IQGAP1: variants seen among roughly 807,000 people sequenced by gnomAD.
IQGAP1 encodes the protein IQ motif containing GTPase activating protein 1.
IQGAP1 carries 66 observed loss-of-function variants against 215.6 expected under a neutral mutation model. That is an observed-to-expected ratio of 0.31 (90% CI 0.25 to 0.38). The LOEUF (loss-of-function observed/expected upper bound fraction) is 0.38. IQGAP1 is among the 10% of genes least tolerant of loss of function. The pLI is 1.00. For synonymous variants in IQGAP1, 772 were observed against 728.7 expected (o/e 1.06, Z -0.96); for missense variants, 1,712 against 1,997.1 (o/e 0.86, Z 2.72).
chr15:90,494,923 G>A, intron 36 of IQGAP1, 88 bp downstream of exon 36: 1 of 924,236 alleles, frequency 1.1e-6, no homozygotes, highest in Non-Finnish European at 1.7e-6. Flanking sequence ...CTCTTTTCTG[G>A]ATGGTTACTT....
At chr15:90,491,295 T>C (rs1202987221) in intron 33 of IQGAP1, 38 bp from the exon 34 acceptor site, 3 of 1,547,422 alleles carry the variant, frequency 1.9e-6, no homozygotes, top group Non-Finnish European at 2.7e-6. Flanking sequence ...AGGATTAGTG[T>C]GGTAAACTTG....
rs1044022566 is a variant in IQGAP1, at chr15:90,501,996, T to G, written c.*1888T>G. 1 of 152,652 alleles carries G rather than the reference T, an allele frequency of 6.6e-6. No individual in the cohort carries two copies. Among genetic ancestry groups the G allele is most frequent in the Non-Finnish European group, 1.5e-5 (1 of 68,060 alleles). The allele number at this position is 152,652 out of a possible 1,614,324, so 9.5% of individuals were successfully genotyped here. On this transcript the variant is annotated 3_prime_UTR_variant, in exon 38 of 38. Coordinates refer to ENST00000268182, the MANE Select transcript of IQGAP1 (RefSeq NM_003870.4). Reference sequence around the variant, plus strand: ...GATGATGATGATATAGAATTGTGGCTTTAGTAGCACAGAGGATGCCCCAAC... The same window carrying G: ...GATGATGATGATATAGAATTGTGGCGTTAGTAGCACAGAGGATGCCCCAAC...
chr15:90,451,419 C>G (rs777819891), intron 11 of IQGAP1, among the ~76,000 whole-genome samples: 1 of 152,128 alleles, frequency 6.6e-6, no homozygotes, highest in South Asian at 2.1e-4. Context: ...GACTGATCCC[C>G]GGGGTAGTGA....
chr15:90,494,450 G>T (rs1236580081), intron 35 of IQGAP1: 2 of 228,470 alleles, frequency 8.8e-6, no homozygotes, highest in East Asian at 2.1e-4. Flanking sequence ...AAGGACATGG[G>T]AGGATTAAGA....
At chr15:90,409,888 T>C (rs1273374394) in intron 2 of IQGAP1, among the ~76,000 whole-genome samples, 1 of 152,242 alleles carries the variant, frequency 6.6e-6, no homozygotes, top group Non-Finnish European at 1.5e-5. Context: ...TTTGCATTTC[T>C]CTGATGACCA....
intron 2 of IQGAP1, among the ~76,000 whole-genome samples, chr15:90,402,038 T>C (rs528189972): frequency 1.3e-5 from 2 of 152,348 alleles, no homozygotes; most frequent in South Asian, 4.1e-4. Flanking sequence ...AACATTTAAG[T>C]CTAACCTCTT....
At chr15:90,395,421 C>T (rs1015452982) in intron 2 of IQGAP1, among the ~76,000 whole-genome samples, 3 of 151,810 alleles carry the variant, frequency 2.0e-5, no homozygotes, top group South Asian at 2.1e-4. Flanking sequence ...CCCAGGTTAA[C>T]GCCATTCTCC....
In IQGAP1 at chr15:90,487,408, GTGCTGCTGC is replaced by G. The variant is rs3833031; in HGVS notation, c.4161-73_4161-65del. ...TTGGGACTTCTGTGAGGTACTGTTT[GTGCTGCTGC>G]TGCTGCTGCTGCTTCGGTCCACTTG... On this transcript the variant is annotated intron_variant, in intron 32 of 37. Transcript: ENST00000268182. 6.5e-5 allele frequency: 59 copies of G among 911,160 alleles called. 2 individuals are homozygous for G. The highest frequency in any genetic ancestry group is 5.8e-4 in the South Asian group (40 of 69,492). 56.4% of individuals were successfully genotyped at this position (911,160 alleles called of 1,614,324 possible).
chr15:90,497,073 G>T, intron 36 of IQGAP1, 159 bp from the exon 37 acceptor site: 1 of 555,616 alleles, frequency 1.8e-6, no homozygotes. Context: ...ACTTGGGCTT[G>T]GCAATCTGTG....
At chr15:90,431,131 G>T (rs1965297281) in intron 4 of IQGAP1, 1 of 150,650 alleles carries the variant, frequency 6.6e-6, no homozygotes, top group Non-Finnish European at 1.5e-5. Context: ...ATATACAACA[G>T]ATATGCATTG....
intron 36 of IQGAP1, among the ~76,000 whole-genome samples, chr15:90,496,464 T>G (rs1177118685): frequency 3.3e-5 from 5 of 152,052 alleles, no homozygotes; most frequent in Non-Finnish European, 7.4e-5. Context: ...TAGCTGGGAC[T>G]GCAGGTGCAT....
chr15:90,466,917 C>G (rs1965840771), intron 17 of IQGAP1, among the ~76,000 whole-genome samples: 1 of 152,080 alleles, frequency 6.6e-6, no homozygotes, highest in Non-Finnish European at 1.5e-5. Context: ...CATGGTAAAA[C>G]CCTGTCTCTA....
intron 23 of IQGAP1, chr15:90,474,993 G>GTTT: frequency 6.0e-6 from 1 of 166,332 alleles, no homozygotes; most frequent in Non-Finnish European, 1.2e-5. Context: ...TTGATTTTTG[G>GTTT]CTTTTTTTTT....
intron 9 of IQGAP1, 58 bp from the exon 10 acceptor site, chr15:90,448,515 T>A: frequency 6.9e-7 from 1 of 1,439,900 alleles, no homozygotes; most frequent in East Asian, 2.5e-5. Context: ...GAAGGAAAAC[T>A]ATTCTAGGCT....
At chr15:90,403,009 A>G (rs1009435706) in intron 2 of IQGAP1, among the ~76,000 whole-genome samples, 1 of 152,194 alleles carries the variant, frequency 6.6e-6, no homozygotes. Context: ...TGTGATTCAC[A>G]CCAGTAATCC....
chr15:90,411,625 A>C (rs537810178), intron 2 of IQGAP1, among the ~76,000 whole-genome samples: 2 of 152,260 alleles, frequency 1.3e-5, no homozygotes, highest in Non-Finnish European at 2.9e-5. Context: ...TCTTCTCAAG[A>C]GCTGCTCACA....
chr15:90,491,876 A>G (rs1483739851), intron 34 of IQGAP1, among the ~76,000 whole-genome samples: 1 of 152,218 alleles, frequency 6.6e-6, no homozygotes, highest in Non-Finnish European at 1.5e-5. Context: ...GTTGATTTGT[A>G]TGAATCATCT....
Position 90,426,164 on chromosome 15 carries a change from G to A in IQGAP1, c.210G>A (p.Glu70=), listed in dbSNP as rs767538173. ...EDLPPTTELE[E]GLRNGVYLAK... ...TGCCTCCCACCACAGAACTGGAGGA[G>A]GGGCTTAGGAATGGGGTCTACCTTG... The change falls in exon 3 of 38, where the codon GAG becomes GAA. Residue 70 remains glutamate (E), a synonymous_variant. Transcript: ENST00000268182. The A allele has an allele frequency of 3.6e-5, 58 of 1,603,982 alleles. No homozygotes were observed. Among genetic ancestry groups the A allele is most frequent in the Non-Finnish European group, 4.2e-5 (49 of 1,176,238 alleles).
Position 90,390,888 on chromosome 15 carries a change from G to T in IQGAP1, c.155+15G>T. 1 of 1,484,876 alleles carries T rather than the reference G, an allele frequency of 6.7e-7. No individual in the cohort carries two copies. Among genetic ancestry groups the T allele is most frequent in the Non-Finnish European group, 9.4e-7 (1 of 1,062,232 alleles). 92.0% of individuals were successfully genotyped at this position (1,484,876 alleles called of 1,614,324 possible). On this transcript the variant is annotated intron_variant, in intron 2 of 37. Transcript: ENST00000268182. ...GAAGCGAAGAGGTAAAGATTGGCTG[G>T]CTGGAGAGAAGATTAAGAGAAGGGA...
Sources: gnomAD v4.1 joint callset for allele counts (sites outside exome capture counted in the v4.1 genomes callset) on GRCh38, gnomAD v4.1.1 for gene constraint, MANE v1.5 for transcripts, NCBI Gene and HGNC (gene_info 2026-07-23, HGNC 2026-07-21) for gene names.